Variants in NR5A2 observed in about 807,000 individuals in gnomAD.
NR5A2 encodes the protein nuclear receptor subfamily 5 group A member 2.
A neutral mutation model predicts 62.7 loss-of-function variants in NR5A2; 26 were observed. That is an observed-to-expected ratio of 0.41 (90% CI 0.30 to 0.58). NR5A2 has a LOEUF of 0.58. Ranked by LOEUF, NR5A2 falls within the 20% of genes least tolerant of loss-of-function variation. NR5A2 has a pLI of 0.22. For missense variants in NR5A2, 541 were observed against 669.1 expected (o/e 0.81, Z 2.11); for synonymous variants, 246 against 241.7 (o/e 1.02, Z -0.16).
At chr1:200,127,136 G>A (rs1370382640) in intron 7 of NR5A2, among the ~76,000 whole-genome samples, 1 of 152,046 alleles carries the variant, frequency 6.6e-6, no homozygotes, top group Non-Finnish European at 1.5e-5. Flanking sequence ...CAACATTTTA[G>A]GTTCAGATCC....
At chr1:200,127,957 A>G (rs1666802265) in intron 7 of NR5A2, among the ~76,000 whole-genome samples, 1 of 151,674 alleles carries the variant, frequency 6.6e-6, no homozygotes, top group Non-Finnish European at 1.5e-5. Flanking sequence ...CAGTCATCTG[A>G]AGAATGTGGA....
At chr1:200,107,414 C>T (rs189665364) in intron 5 of NR5A2, among the ~76,000 whole-genome samples, 11 of 151,314 alleles carry the variant, frequency 7.3e-5, no homozygotes, top group East Asian at 3.9e-4. Context: ...TAATACTTTG[C>T]GAAAGCAGGG....
intron 7 of NR5A2, 149 bp from the exon 8 acceptor site, chr1:200,173,814 G>A (rs1436697352): frequency 7.9e-6 from 6 of 759,928 alleles, no homozygotes; most frequent in Non-Finnish European, 1.1e-5. Context: ...AGGAAGTTTG[G>A]TGAGTGGGGT....
At chr1:200,029,284 A>T (rs1182931564) in intron 1 of NR5A2, 1 of 177,066 alleles carries the variant, frequency 5.6e-6, no homozygotes, top group East Asian at 1.8e-4. Context: ...TGCTGCGCGC[A>T]GCCCCAGCTG....
intron 7 of NR5A2, among the ~76,000 whole-genome samples, chr1:200,133,586 C>CAA (rs1188276934): frequency 8.3e-6 from 1 of 120,762 alleles, no homozygotes; most frequent in Non-Finnish European, 1.7e-5. Context: ...CATATATATA[C>CAA]ACATATATAT....
intron 5 of NR5A2, among the ~76,000 whole-genome samples, chr1:200,110,454 C>T (rs940718880): frequency 1.3e-5 from 2 of 152,128 alleles, no homozygotes; most frequent in Non-Finnish European, 2.9e-5. Flanking sequence ...TGCATAAGAT[C>T]CCCATTATAA....
chr1:200,103,409 C>T (rs936372753), intron 5 of NR5A2, among the ~76,000 whole-genome samples: 3 of 152,190 alleles, frequency 2.0e-5, no homozygotes, highest in African/African-American at 4.8e-5. Flanking sequence ...TGTGAGCCAC[C>T]GTGCCTGGCC....
chr1:200,048,755 A>G lies in NR5A2; in HGVS notation c.1047A>G (p.Ala349=). The change falls in exon 5 of 8, where the codon GCA becomes GCG. Residue 349 remains alanine (A), a synonymous_variant. Coordinates refer to ENST00000367362, the MANE Select transcript of NR5A2 (RefSeq NM_205860.3). The surrounding 1 kb of genome is among the most constrained non-coding windows in gnomAD (Gnocchi z 4.8). ...LSTFGLMCKM[A]DQTLFSIVEW... is the part of the protein sequence containing the mutation. ...CCTTTGGGCTTATGTGCAAAATGGC[A>G]GATCAAACTCTCTTCTCCATTGTCG... The G allele has an allele frequency of 6.2e-7, 1 of 1,614,248 alleles. No individual in the cohort carries two copies. The highest frequency in any genetic ancestry group is 8.5e-7 in the Non-Finnish European group (1 of 1,180,042).
chr1:200,029,141 C>T (rs1241930650), intron 1 of NR5A2: 2 of 433,322 alleles, frequency 4.6e-6, no homozygotes, highest in Admixed American at 2.5e-5. Context: ...GAGTCCTTCC[C>T]GGCAGCTCCG....
chr1:200,029,550 G>C (rs969095521), intron 1 of NR5A2: 2 of 152,490 alleles, frequency 1.3e-5, no homozygotes, highest in African/African-American at 2.4e-5. Context: ...CACCGCAGAG[G>C]GCTGGGAACC....
At chr1:200,069,785 C>T (rs1663653526) in intron 5 of NR5A2, among the ~76,000 whole-genome samples, 1 of 152,092 alleles carries the variant, frequency 6.6e-6, no homozygotes, top group Non-Finnish European at 1.5e-5. Context: ...CCCAGTCTTG[C>T]CCTTCATGCC....
intron 5 of NR5A2, among the ~76,000 whole-genome samples, chr1:200,105,758 T>A (rs2816982): frequency 6.6e-6 from 1 of 151,946 alleles, no homozygotes; most frequent in African/African-American, 2.4e-5. Flanking sequence ...TCAAAACCAG[T>A]CTGGGCAACA....
At chr1:200,091,571 A>C (rs1571457599) in intron 5 of NR5A2, among the ~76,000 whole-genome samples, 1 of 142,378 alleles carries the variant, frequency 7.0e-6, no homozygotes, top group Non-Finnish European at 1.5e-5. Context: ...TGCAACCTCT[A>C]CCTCCCAGGT....
intron 5 of NR5A2, among the ~76,000 whole-genome samples, chr1:200,056,366 C>T (rs920405473): frequency 1.3e-5 from 2 of 152,090 alleles, no homozygotes; most frequent in African/African-American, 2.4e-5. Flanking sequence ...CTCAAAACTC[C>T]CATGCATTAG....
At chr1:200,028,855 C>G (rs921795728) in intron 1 of NR5A2, among the ~76,000 whole-genome samples, 1 of 152,050 alleles carries the variant, frequency 6.6e-6, no homozygotes, top group African/African-American at 2.4e-5. Flanking sequence ...CTCTTTTTTC[C>G]TTCCTAGTCA....
chr1:200,122,152 CT>C (rs1453111428), intron 7 of NR5A2, among the ~76,000 whole-genome samples: 4 of 152,170 alleles, frequency 2.6e-5, no homozygotes, highest in Non-Finnish European at 5.9e-5. Flanking sequence ...AATGCCAAGA[CT>C]GGATCCTGTG....
Position 200,147,386 on chromosome 1 carries a change from C to G in NR5A2, c.1378+26431C>G. 1 of 378,796 alleles carries G rather than the reference C, an allele frequency of 2.6e-6. No homozygotes were observed. Among genetic ancestry groups the G allele is most frequent in the South Asian group, 2.3e-5 (1 of 43,460 alleles). The allele number at this position is 378,796 out of a possible 1,614,324, so 23.5% of individuals were successfully genotyped here. ...ACTCCCCCAGGCCACCTTAGTTCCT[C>G]TCGGAGTCTGTATGGGTCTGGGCGA... is the stretch of plus-strand genomic sequence containing the variant. On this transcript the variant is annotated intron_variant, in intron 7 of 7. Coordinates refer to ENST00000367362, the MANE Select transcript of NR5A2 (RefSeq NM_205860.3). This position sits in a 1 kb window ranked among gnomAD's most constrained non-coding sequence, Gnocchi z 4.9.
At chr1:200,085,826 C>G (rs1664498558) in intron 5 of NR5A2, among the ~76,000 whole-genome samples, 1 of 152,104 alleles carries the variant, frequency 6.6e-6, no homozygotes, top group South Asian at 2.1e-4. Context: ...AATTACATTT[C>G]AGAAACTCAG....
chr1:200,173,814 G>C, intron 7 of NR5A2, 149 bp from the exon 8 acceptor site: 1 of 760,044 alleles, frequency 1.3e-6, no homozygotes, highest in Non-Finnish European at 1.9e-6. Flanking sequence ...AGGAAGTTTG[G>C]TGAGTGGGGT....
Sources: allele counts gnomAD v4.1 joint callset (sites outside exome capture counted in the v4.1 genomes callset), GRCh38; gene constraint gnomAD v4.1.1; non-coding constraint Gnocchi (gnomAD v3.1); transcripts MANE v1.5; gene names NCBI Gene and HGNC (gene_info 2026-07-23, HGNC 2026-07-21).